The following LPP variants were observed in gnomAD, a reference collection of about 807,000 sequenced individuals.
The protein encoded by LPP is LIM domain containing preferred translocation partner in lipoma.
LPP carries 38 observed loss-of-function variants against 60.4 expected under a neutral mutation model. That is an observed-to-expected ratio of 0.63 (90% confidence interval 0.49 to 0.83). The LOEUF is 0.83. Ranked by LOEUF, LPP falls within the 40% of genes least tolerant of loss-of-function variation. The pLI, the probability that LPP is intolerant of heterozygous loss-of-function variation, is 0.00. For missense variants in LPP, 902 were observed against 783.6 expected (o/e 1.15, Z -1.80); for synonymous variants, 328 against 290.8 (o/e 1.13, Z -1.30).
intron 10 of LPP, among the ~76,000 whole-genome samples, chr3:188,869,229 A>C (rs547161096): frequency 2.4e-4 from 37 of 152,278 alleles, no homozygotes; most frequent in African/African-American, 8.4e-4. Context: ...GAGATACAGG[A>C]GACCCATAAG....
chr3:188,753,864 T>G (rs1729093012), intron 8 of LPP, among the ~76,000 whole-genome samples: 1 of 152,092 alleles, frequency 6.6e-6, no homozygotes, highest in African/African-American at 2.4e-5. Flanking sequence ...ACTAGCCACG[T>G]ACCTGTTGAA....
intron 7 of LPP, among the ~76,000 whole-genome samples, chr3:188,615,233 A>T (rs948299585): frequency 1.3e-5 from 2 of 152,178 alleles, no homozygotes; most frequent in Non-Finnish European, 2.9e-5. Context: ...ATTCCAGCTG[A>T]TATGTTACAT....
chr3:188,843,742 G>A (rs1033389895), intron 9 of LPP, among the ~76,000 whole-genome samples: 9 of 132,414 alleles, frequency 6.8e-5, no homozygotes, highest in South Asian at 2.5e-4. Context: ...AGCCGAGATC[G>A]CGCCACTGCA....
rs529823006 is a variant in LPP, at chr3:188,731,544, A to G, written c.1240+23151A>G. Among the ~76,000 whole-genome samples, 3 of 22,270 alleles carry G rather than the reference A, an allele frequency of 1.3e-4. No homozygotes were observed. The East Asian group carries it at 2.9e-3, about 22-fold the overall frequency. 14.6% of individuals were successfully genotyped at this position (22,270 alleles called of 152,430 possible). Reference sequence around the variant, plus strand: ...TTGTTTTGTTTTGTTTTGTTTTGAGATGGAGTCTCACTGTGTCCCCCAGGC... The same window carrying G: ...TTGTTTTGTTTTGTTTTGTTTTGAGGTGGAGTCTCACTGTGTCCCCCAGGC... On this transcript the variant is annotated intron_variant, in intron 8 of 11. Transcript: ENST00000617246.
intron 6 of LPP, among the ~76,000 whole-genome samples, chr3:188,590,716 G>A (rs1560605103): frequency 6.6e-6 from 1 of 152,168 alleles, no homozygotes; most frequent in Non-Finnish European, 1.5e-5. Context: ...TGAAGACTGT[G>A]GCAAGCAGGA....
chr3:188,423,444 C>T (rs552521768), intron 4 of LPP, among the ~76,000 whole-genome samples: 1 of 152,264 alleles, frequency 6.6e-6, no homozygotes, highest in African/African-American at 2.4e-5. Context: ...GATTTATAAT[C>T]CTTTGGGTGT....
chr3:188,791,231 G>A (rs925057145), intron 9 of LPP, among the ~76,000 whole-genome samples: 14 of 152,118 alleles, frequency 9.2e-5, no homozygotes, highest in Admixed American at 7.9e-4. Context: ...CTCACTCTGC[G>A]TTCTGTCCAG....
rs202115941 is a variant in LPP, at chr3:188,760,226, C to T, written c.1354C>T (p.Arg452Ter). ...FTCIICNNKL[R>*]GQPFYAVEKK... The stretch of plus-strand genomic sequence containing the variant: ...CTGCATCATCTGCAACAACAAGCTC[C>T]GAGGGCAGCCATTCTATGCTGTGGA... The change falls in exon 9 of 12, where the codon CGA becomes TGA. Residue 452 changes from arginine to a stop codon, truncating the protein, a stop_gained. Coordinates refer to ENST00000617246, the MANE Select transcript of LPP (RefSeq NM_001375462.1). LOFTEE classifies it high-confidence loss of function. 6.4e-5 allele frequency: 103 copies of T among 1,613,960 alleles called. No individual in the cohort carries two copies. Among genetic ancestry groups the T allele is most frequent in the Non-Finnish European group, 8.5e-5 (100 of 1,180,022 alleles).
chr3:188,715,370 C>A (rs1238335306), intron 8 of LPP, among the ~76,000 whole-genome samples: 63 of 101,112 alleles, frequency 6.2e-4, no homozygotes, highest in African/African-American at 2.4e-3. Flanking sequence ...GAGGGAGACT[C>A]CGTCTCAAAA....
intron 2 of LPP, among the ~76,000 whole-genome samples, chr3:188,272,504 T>C (rs1738132984): frequency 6.6e-6 from 1 of 152,214 alleles, no homozygotes; most frequent in South Asian, 2.1e-4. Context: ...AAGCGTTTGC[T>C]TCCATGTGTG....
At chr3:188,191,009 A>T (rs181155066) in intron 1 of LPP, among the ~76,000 whole-genome samples, 54 of 152,330 alleles carry the variant, frequency 3.5e-4, no homozygotes, top group South Asian at 1.4e-3. Flanking sequence ...AGGCAGGTGG[A>T]TCACGAGGTC....
intron 8 of LPP, among the ~76,000 whole-genome samples, chr3:188,745,948 C>A (rs1217587780): frequency 2.0e-5 from 3 of 152,178 alleles, no homozygotes; most frequent in African/African-American, 7.2e-5. Flanking sequence ...GTAGAGCCGA[C>A]CCATGTCTTC....
In LPP at chr3:188,788,759, G is replaced by T. The variant is rs1262020056; in HGVS notation, c.1410+28477G>T. Among the ~76,000 whole-genome samples the T allele has an allele frequency of 2.6e-5, 4 of 152,256 alleles. No individual in the cohort carries two copies. In the East Asian group the frequency reaches 5.8e-4, roughly 22 times the overall value. ...GTAAATGATCACATCCTGGCTAAAT[G>T]GTTCCGATTCCTACAACCCTGCAGC... On this transcript the variant is annotated intron_variant, in intron 9 of 11. Transcript: ENST00000617246.
At chr3:188,754,482 G>A (rs572015935) in intron 8 of LPP, among the ~76,000 whole-genome samples, 2 of 152,234 alleles carry the variant, frequency 1.3e-5, no homozygotes, top group South Asian at 4.2e-4. Context: ...ACCTGTTTGG[G>A]CGATACTTGT....
intron 9 of LPP, among the ~76,000 whole-genome samples, chr3:188,803,690 C>G (rs745827472): frequency 1.3e-5 from 2 of 152,188 alleles, no homozygotes; most frequent in Non-Finnish European, 2.9e-5. Flanking sequence ...TGTCCATTCT[C>G]CAGTTCACAC....
chr3:188,415,769 G>A (rs1786077768), intron 4 of LPP, among the ~76,000 whole-genome samples: 2 of 68,794 alleles, frequency 2.9e-5, no homozygotes, highest in Non-Finnish European at 5.8e-5. Flanking sequence ...ACAGAAATGG[G>A]TGGGTCGGGG....
At chr3:188,640,550 G>T (rs1227770227) in intron 7 of LPP, among the ~76,000 whole-genome samples, 1 of 137,164 alleles carries the variant, frequency 7.3e-6, no homozygotes, top group Non-Finnish European at 1.6e-5. Flanking sequence ...AGTTTGGGAC[G>T]AAAAAAAAAA....
chr3:188,222,214 A>T (rs1716037388), intron 1 of LPP, among the ~76,000 whole-genome samples: 2 of 152,166 alleles, frequency 1.3e-5, no homozygotes, highest in South Asian at 2.1e-4. Flanking sequence ...ATTTTTATGA[A>T]TTTTTTTTCA....
intron 8 of LPP, among the ~76,000 whole-genome samples, chr3:188,753,829 C>T (rs1422244771): frequency 2.0e-5 from 3 of 151,920 alleles, no homozygotes; most frequent in African/African-American, 4.8e-5. Context: ...GAGAGGGAAA[C>T]AGACATTGGA....
Sources: allele counts gnomAD v4.1 joint callset (sites outside exome capture counted in the v4.1 genomes callset), GRCh38; gene constraint gnomAD v4.1.1; transcripts MANE v1.5; gene names NCBI Gene and HGNC (gene_info 2026-07-23, HGNC 2026-07-21).